The following CNTN1 variants were observed in gnomAD, a reference collection of about 807,000 sequenced individuals.
The protein encoded by CNTN1 is contactin 1.
CNTN1 carries 38 observed loss-of-function variants against 126.4 expected under a neutral mutation model. That is an observed-to-expected ratio of 0.30 (90% CI 0.23 to 0.39). The LOEUF is 0.39. Among genes scored for constraint, CNTN1 ranks in the 10% least tolerant of loss-of-function variants. The probability of loss-of-function intolerance (pLI) is 1.00; values close to 1 mark genes in which losing one functional copy is unlikely to be tolerated. For missense variants in CNTN1, 1,009 were observed against 1,248.4 expected, an observed-to-expected ratio of 0.81 and a Z score of 2.89; for synonymous variants, 413 against 422.6, an observed-to-expected ratio of 0.98 and a Z score of 0.28.
At chr12:40,817,345 T>C (rs1403960302) in intron 1 of CNTN1, among the ~76,000 whole-genome samples, 1 of 152,208 alleles carries the variant, frequency 6.6e-6, no homozygotes, top group Non-Finnish European at 1.5e-5. Flanking sequence ...ATTGGGTGCA[T>C]ATATATTCAG....
intron 1 of CNTN1, among the ~76,000 whole-genome samples, chr12:40,875,859 A>C (rs1457631048): frequency 6.6e-6 from 1 of 151,974 alleles, no homozygotes; most frequent in African/African-American, 2.4e-5. Context: ...GTATGTTTGC[A>C]TTTCTCTGGA....
intron 15 of CNTN1, among the ~76,000 whole-genome samples, chr12:40,969,897 G>A (rs1207264869): frequency 6.6e-6 from 1 of 152,124 alleles, no homozygotes; most frequent in Non-Finnish European, 1.5e-5. Context: ...ACACACCAGA[G>A]TGTAGAGATC....
intron 1 of CNTN1, among the ~76,000 whole-genome samples, chr12:40,870,577 C>T (rs11178843): frequency 0.57 from 87,223 of 151,872 alleles, 25,445 homozygotes; most frequent in African/African-American, 0.66. Context: ...GCAGCACTTT[C>T]TGGAGGGAAA....
intron 1 of CNTN1, among the ~76,000 whole-genome samples, chr12:40,723,253 T>C (rs1284792623): frequency 7.2e-5 from 11 of 152,212 alleles, no homozygotes; most frequent in Admixed American, 7.2e-4. Flanking sequence ...TTCAGGATCA[T>C]TATTTTCATT....
rs1249697028 is a variant in CNTN1 at position 41,071,961 on chromosome 12, T to A, written c.*1926T>A. 1 of 152,158 alleles carries A rather than the reference T, an allele frequency of 6.6e-6. No homozygotes were observed. Among genetic ancestry groups the A allele is most frequent in the Non-Finnish European group, 1.5e-5 (1 of 68,010 alleles). The allele number at this position is 152,158 out of a possible 1,614,324, so 9.4% of individuals were successfully genotyped here. A position where few individuals can be genotyped will look rare whatever the true frequency, so the allele number is the denominator to read the frequency against. On this transcript the variant is annotated 3_prime_UTR_variant, in exon 24 of 24. Coordinates refer to ENST00000551295, the MANE Select transcript of CNTN1 (RefSeq NM_001843.4). ...CCTTTTATTTTCTAATATATGATAA[T>A]AACGAGCAAAACTGGTTAGATTTTG... is the stretch of plus-strand genomic sequence containing the variant.
Position 40,721,583 on chromosome 12 carries a change from G to T in CNTN1, c.-77+28991G>T, listed in dbSNP as rs941844985. ...ATTATTATTATACTTTAAGTTTTAG[G>T]GTACATGTGCACAATGTGCAGGTTA... On this transcript the variant is annotated intron_variant, in intron 1 of 23. Coordinates refer to ENST00000551295, the MANE Select transcript of CNTN1 (RefSeq NM_001843.4). 4.8e-4 allele frequency among the ~76,000 whole-genome samples: 72 copies of T among 149,954 alleles called. 1 individual carries two copies. The highest frequency in any genetic ancestry group is 1.7e-3 in the African/African-American group (70 of 40,892).
intron 1 of CNTN1, among the ~76,000 whole-genome samples, chr12:40,704,640 G>A (rs554239054): frequency 5.3e-5 from 8 of 152,170 alleles, no homozygotes; most frequent in Middle Eastern, 3.4e-3. Flanking sequence ...TTATAAACAC[G>A]TATGGTTTCC....
At chr12:40,905,418 C>A (rs962092843) in intron 1 of CNTN1, among the ~76,000 whole-genome samples, 3 of 152,104 alleles carry the variant, frequency 2.0e-5, no homozygotes, top group African/African-American at 7.2e-5. Flanking sequence ...TTATCTGTTT[C>A]TTTTTCTCTC....
At chr12:40,976,376 A>G (rs1947672317) in intron 15 of CNTN1, among the ~76,000 whole-genome samples, 2 of 152,144 alleles carry the variant, frequency 1.3e-5, no homozygotes, top group Non-Finnish European at 2.9e-5. Flanking sequence ...TGGGGTAAAC[A>G]GTTCTCAGAA....
chr12:40,845,752 G>A (rs189611235), intron 1 of CNTN1, among the ~76,000 whole-genome samples: 1 of 152,134 alleles, frequency 6.6e-6, no homozygotes, highest in South Asian at 2.1e-4. Context: ...TGGGGTATGG[G>A]GAGCGTGGTG....
At chr12:40,970,867 A>G (rs1947485351) in intron 15 of CNTN1, among the ~76,000 whole-genome samples, 1 of 152,196 alleles carries the variant, frequency 6.6e-6, no homozygotes, top group African/African-American at 2.4e-5. Context: ...AGAGAATATG[A>G]GTAGTTACAG....
rs758613474 is a variant in CNTN1, at chr12:40,910,117, A to G, written c.94+12A>G. ...ATATGGTCATGGAGGTAAGTTGACCAAAGAGTAGACCTTGTAAACATCTTT... is the reference window on the plus strand; with the variant it reads ...ATATGGTCATGGAGGTAAGTTGACCGAAGAGTAGACCTTGTAAACATCTTT... On this transcript the variant is annotated intron_variant, in intron 3 of 23. Coordinates refer to ENST00000551295, the MANE Select transcript of CNTN1 (RefSeq NM_001843.4). The G allele has an allele frequency of 3.1e-6, 5 of 1,594,134 alleles. No homozygotes were observed. In the African/African-American group the frequency reaches 6.7e-5, roughly 21 times the overall value.
intron 1 of CNTN1, among the ~76,000 whole-genome samples, chr12:40,813,535 T>C (rs955438538): frequency 1.6e-4 from 25 of 152,198 alleles, no homozygotes; most frequent in African/African-American, 5.5e-4. Flanking sequence ...CATTCCTTTT[T>C]ATGTCTGCAT....
At chr12:40,846,922 C>T (rs1218974547) in intron 1 of CNTN1, among the ~76,000 whole-genome samples, 1 of 152,152 alleles carries the variant, frequency 6.6e-6, no homozygotes, top group Non-Finnish European at 1.5e-5. Flanking sequence ...GGCTGGAGTG[C>T]AGTGGTGCGA....
At chr12:40,929,099 G>A (rs963033341) in intron 6 of CNTN1, among the ~76,000 whole-genome samples, 1 of 151,912 alleles carries the variant, frequency 6.6e-6, no homozygotes, top group Non-Finnish European at 1.5e-5. Context: ...AAACAGAGAG[G>A]AAAGAAGGAA....
At chr12:40,922,015 C>T (rs1945459380) in intron 4 of CNTN1, among the ~76,000 whole-genome samples, 1 of 151,670 alleles carries the variant, frequency 6.6e-6, no homozygotes, top group Middle Eastern at 3.2e-3. Flanking sequence ...AGATACCTCA[C>T]AAAAAAAAGA....
chr12:40,925,304 T>C (rs1446867005), intron 6 of CNTN1, among the ~76,000 whole-genome samples: 3 of 151,874 alleles, frequency 2.0e-5, no homozygotes, highest in Non-Finnish European at 4.4e-5. Context: ...TTTGAAACAA[T>C]ATATAAATAC....
chr12:40,758,507 T>G (rs953734501), intron 1 of CNTN1, among the ~76,000 whole-genome samples: 1 of 152,126 alleles, frequency 6.6e-6, no homozygotes, highest in African/African-American at 2.4e-5. Flanking sequence ...TGCTTAAAAA[T>G]TGTGTCTTCT....
intron 1 of CNTN1, among the ~76,000 whole-genome samples, chr12:40,818,786 T>C (rs1246458677): frequency 1.3e-5 from 2 of 152,058 alleles, no homozygotes; most frequent in African/African-American, 4.8e-5. Context: ...TTTTCATTAA[T>C]TCTTTTTCAT....
Sources: gnomAD v4.1 joint callset for allele counts (sites outside exome capture counted in the v4.1 genomes callset) on GRCh38, gnomAD v4.1.1 for gene constraint, MANE v1.5 for transcripts, NCBI Gene and HGNC (gene_info 2026-07-23, HGNC 2026-07-21) for gene names.